The following NBEAL2 variants were observed in gnomAD, a reference collection of about 807,000 sequenced individuals.
NBEAL2 encodes the protein neurobeachin like 2.
Under a neutral mutation model 299.8 loss-of-function variants are expected in NBEAL2, and 160 were observed. That is an observed-to-expected ratio of 0.53 (90% CI 0.47 to 0.61). NBEAL2 has a LOEUF of 0.61. NBEAL2 is among the 20% of genes least tolerant of loss of function. The probability of loss-of-function intolerance (pLI) is 0.00; values close to 1 mark genes in which losing one functional copy is unlikely to be tolerated. For synonymous variants in NBEAL2, 1,493 were observed against 1,542.3 expected (o/e 0.97, Z 0.75); for missense variants, 3,112 against 3,649.0 (o/e 0.85, Z 3.79).
chr3:47,009,026 G>A lies in NBEAL2; in HGVS notation c.8065G>A (p.Ala2689Thr), dbSNP rs767213126. The change falls in exon 53 of 54, where the codon GCC (alanine) becomes ACC (threonine). Residue 2689 changes from alanine (A) to threonine (T), a missense_variant. This residue lies in a region of NBEAL2 where 348 missense variants were observed against 381.4 expected (regional missense o/e 0.91). Transcript: ENST00000450053. Reference sequence around the variant, plus strand: ...CGCGCCTCCCTTGCCCATGAAGGTGGCCATCCGCAGCGTGGCCGTGACCAA... The same window carrying A: ...CGCGCCTCCCTTGCCCATGAAGGTGACCATCCGCAGCGTGGCCGTGACCAA... ...PAAPPLPMKV[A>T]IRSVAVTKER... 3 of 1,600,658 alleles carry A rather than the reference G, an allele frequency of 1.9e-6. No individual in the cohort carries two copies. The highest frequency in any genetic ancestry group is 1.7e-4 in the Middle Eastern group (1 of 6,056).
Position 47,006,197 on chromosome 3 carries a change from C to T in NBEAL2, c.6952C>T (p.Arg2318Trp), listed in dbSNP as rs1328163964. 1.1e-5 allele frequency: 18 copies of T among 1,613,744 alleles called. No individual in the cohort carries two copies. Among genetic ancestry groups the T allele is most frequent in the Non-Finnish European group, 1.4e-5 (16 of 1,179,880 alleles). ...AGACCTGGACCATGTGACAGATGAG[C>T]GGGAACGGAAGGCTCTGGAGGGCAT... ...AVDLDHVTDE[R>W]ERKALEGIIS... is the part of the protein sequence containing the mutation. The change falls in exon 44 of 54, where the codon CGG becomes TGG. Residue 2318 changes from arginine to tryptophan, a missense_variant. Physicochemically the swap from Arg to Trp is moderately radical, Grantham distance 101. Transcript: ENST00000450053.
At position 46,997,563 on chromosome 3, in the gene NBEAL2, G is replaced by T; in HGVS notation, c.2827G>T (p.Glu943Ter). 6.3e-7 allele frequency: 1 copy of T among 1,592,214 alleles called. No homozygotes were observed. The highest frequency in any genetic ancestry group is 8.6e-7 in the Non-Finnish European group (1 of 1,164,172). ...GTCCCCTTCCTGATGGCTGGCAGAG[G>T]AACGGATGGAGAGGAACGCAGTGGC... ...LVLPLGKSSE[E>*]RMERNAVAAF... Residue 943 changes from glutamate (E) to a stop codon, truncating the protein, a stop_gained and splice_region_variant, in exon 20 of 54, where the codon GAA becomes TAA. Transcript: ENST00000450053. LOFTEE classifies it high-confidence loss of function.
chr3:46,989,710 G>A lies in NBEAL2; in HGVS notation c.556+117G>A, dbSNP rs536726505. The A allele has an allele frequency of 2.8e-4, 256 of 916,928 alleles. No individual in the cohort carries two copies. The highest frequency in any genetic ancestry group is 4.1e-4 in the Non-Finnish European group (239 of 576,548). 56.8% of individuals were successfully genotyped at this position (916,928 alleles called of 1,614,324 possible). A position where few individuals can be genotyped will look rare whatever the true frequency, so the allele number is the denominator to read the frequency against. ...TGGTGGTGGCTGCATGCAGGACTGG[G>A]AGAACCAAAGACCAAGCAAGAGTTT... On this transcript the variant is annotated intron_variant, in intron 6 of 53. Transcript: ENST00000450053. This position sits in a 1 kb window ranked among gnomAD's most constrained non-coding sequence, Gnocchi z 5.5.
At position 46,998,865 on chromosome 3, in the gene NBEAL2, G is replaced by A; in HGVS notation, c.3370G>A (p.Gly1124Ser). The A allele has an allele frequency of 6.3e-7, 1 of 1,590,252 alleles. No individual in the cohort carries two copies. Among genetic ancestry groups the A allele is most frequent in the Non-Finnish European group, 8.6e-7 (1 of 1,168,734 alleles). Reference sequence around the variant, plus strand: ...CATGCTGAGCTTTTTGGCGGCCACAGGCGATGACGGTCAGGTAGGCTGGAG... The same window carrying A: ...CATGCTGAGCTTTTTGGCGGCCACAAGCGATGACGGTCAGGTAGGCTGGAG... ...QTMLSFLAATGDDGQAVGALD... is the reference protein window; with the variant it reads ...QTMLSFLAATSDDGQAVGALD... Residue 1124 changes from glycine (G) to serine (S), a missense_variant, in exon 23 of 54, where the codon GGC becomes AGC. This residue lies in a region of NBEAL2 where 2,243 missense variants were observed against 2,538.1 expected (regional missense o/e 0.88). Coordinates refer to ENST00000450053, the MANE Select transcript of NBEAL2 (RefSeq NM_015175.3).
chr3:47,009,505 C>A lies in NBEAL2; in HGVS notation c.*185C>A. 1 of 640,304 alleles carries A rather than the reference C, an allele frequency of 1.6e-6. No homozygotes were observed. Among genetic ancestry groups the A allele is most frequent in the Non-Finnish European group, 2.7e-6 (1 of 376,370 alleles). The allele number at this position is 640,304 out of a possible 1,614,324, so 39.7% of individuals were successfully genotyped here. On this transcript the variant is annotated 3_prime_UTR_variant, in exon 54 of 54. Transcript: ENST00000450053. The stretch of plus-strand genomic sequence containing the variant: ...GGGATTGGCGGGCGGAAGTCCCGCC[C>A]CTCGCCGGCTGAGGGGCCGCCCTGA...
chr3:46,996,782 G>C lies in NBEAL2; in HGVS notation c.2505G>C (p.Glu835Asp), dbSNP rs202204936. ...ATGAGACGGCACCCTTCAAGCCTGA[G>C]GGGGAGCTGCATGAGCTCAGCACCA... ...GPNETAPFKPEGELHELSTRL... is the reference protein window; with the variant it reads ...GPNETAPFKPDGELHELSTRL... Residue 835 changes from glutamate to aspartate, a missense_variant, in exon 17 of 54, where the codon GAG becomes GAC. Coordinates refer to ENST00000450053, the MANE Select transcript of NBEAL2 (RefSeq NM_015175.3). The C allele has an allele frequency of 7.4e-6, 12 of 1,612,628 alleles. No individual in the cohort carries two copies. Among genetic ancestry groups the C allele is most frequent in the South Asian group, 1.1e-5 (1 of 91,080 alleles).
intron 1 of NBEAL2, among the ~76,000 whole-genome samples, chr3:46,980,456 C>T (rs2035247113): frequency 6.6e-6 from 1 of 152,072 alleles, no homozygotes; most frequent in East Asian, 1.9e-4. Flanking sequence ...CACACCCCAG[C>T]GAACAGGCTG....
Position 46,996,550 on chromosome 3 carries a change from G to A in NBEAL2, c.2431G>A (p.Glu811Lys). ...GELGAVAIFH[E>K]ALQATALRTL... Reference sequence around the variant, plus strand: ...GCTGGGGGCTGTGGCCATCTTTCACGAAGCCCTGCAGGCGACGGCTCTGAG... The same window carrying A: ...GCTGGGGGCTGTGGCCATCTTTCACAAAGCCCTGCAGGCGACGGCTCTGAG... Residue 811 changes from glutamate (E) to lysine (K), a missense_variant, in exon 16 of 54, where the codon GAA becomes AAA. This residue lies in a region of NBEAL2 where 2,243 missense variants were observed against 2,538.1 expected (regional missense o/e 0.88). Coordinates refer to ENST00000450053, the MANE Select transcript of NBEAL2 (RefSeq NM_015175.3). 3 of 1,544,040 alleles carry A rather than the reference G, an allele frequency of 1.9e-6. No homozygotes were observed. The highest frequency in any genetic ancestry group is 2.6e-6 in the Non-Finnish European group (3 of 1,142,592).
rs1304576074 is a variant in NBEAL2, at chr3:47,004,103, C to G, written c.5908C>G (p.Leu1970Val). The G allele has an allele frequency of 2.5e-6, 4 of 1,612,940 alleles. No homozygotes were observed. Among genetic ancestry groups the G allele is most frequent in the Non-Finnish European group, 3.4e-6 (4 of 1,179,332 alleles). Residue 1970 changes from leucine (L) to valine (V), a missense_variant, in exon 37 of 54, where the codon CTG becomes GTG. Leu to Val is a conservative substitution (Grantham distance 32). Transcript: ENST00000450053. This position sits in a 1 kb window ranked among gnomAD's most constrained non-coding sequence, Gnocchi z 5.0. The part of the protein sequence containing the change: ...EGIGYDFRRP[L>V]AQLREVHLRR... ...CATCGGCTATGATTTCCGGCGCCCA[C>G]TGGCCCAGCTGCGTGAGGTCCACCT...
chr3:47,001,013 G>A lies in NBEAL2; in HGVS notation c.4318G>A (p.Glu1440Lys). The A allele has an allele frequency of 5.0e-6, 8 of 1,609,388 alleles. No homozygotes were observed. The highest frequency in any genetic ancestry group is 5.1e-6 in the Non-Finnish European group (6 of 1,178,066). Residue 1440 changes from glutamate (E) to lysine (K), a missense_variant, in exon 28 of 54, where the codon GAA becomes AAA. By Grantham distance (56) the Glu-to-Lys change is moderately conservative. Coordinates refer to ENST00000450053, the MANE Select transcript of NBEAL2 (RefSeq NM_015175.3). This position sits in a 1 kb window ranked among gnomAD's most constrained non-coding sequence, Gnocchi z 6.1. ...CCTGTGCCCACAGCAAACCTCTGAG[G>A]AAGAGTTGTGCAATCTGCTCACCAA... ...NTSNPQQTSE[E>K]ELCNLLTNVL...
chr3:47,001,797 C>G lies in NBEAL2; in HGVS notation c.4753C>G (p.Leu1585Val), dbSNP rs184002739. The change falls in exon 30 of 54, where the codon CTT becomes GTT. Residue 1585 changes from leucine to valine, a missense_variant. This residue lies in a region of NBEAL2 where 2,243 missense variants were observed against 2,538.1 expected (regional missense o/e 0.88). Coordinates refer to ENST00000450053, the MANE Select transcript of NBEAL2 (RefSeq NM_015175.3). This position sits in a 1 kb window ranked among gnomAD's most constrained non-coding sequence, Gnocchi z 6.1. ...GGCGCAGATTGGCCTACGGCTTGTA[C>G]TTGGCTACATCCTGCTGGAAGACCC... The part of the protein sequence containing the change: ...EMAQIGLRLV[L>V]GYILLEDPQL... 3 of 1,613,834 alleles carry G rather than the reference C, an allele frequency of 1.9e-6. No homozygotes were observed. The highest frequency in any genetic ancestry group is 1.3e-5 in the African/African-American group (1 of 75,040).
Position 47,002,651 on chromosome 3 carries a change from G to A in NBEAL2, c.5308G>A (p.Val1770Met). The change falls in exon 33 of 54, where the codon GTG (valine) becomes ATG (methionine). Residue 1770 changes from valine to methionine, a missense_variant. By Grantham distance (21) the Val-to-Met change is conservative (BLOSUM62 1). This residue lies in a region of NBEAL2 where 2,243 missense variants were observed against 2,538.1 expected (regional missense o/e 0.88). Transcript: ENST00000450053. The part of the protein sequence containing the change: ...AQSRRAFQEL[V>M]LEPAQRRARL... Reference sequence around the variant, plus strand: ...CCTATTACCCCCACCCCAGGAGCTGGTGCTGGAACCTGCGCAGAGGCGGGC... The same window carrying A: ...CCTATTACCCCCACCCCAGGAGCTGATGCTGGAACCTGCGCAGAGGCGGGC... 1.2e-6 allele frequency: 2 copies of A among 1,609,718 alleles called. No homozygotes were observed. The highest frequency in any genetic ancestry group is 8.5e-7 in the Non-Finnish European group (1 of 1,178,994).
chr3:46,997,400 C>A lies in NBEAL2; in HGVS notation c.2791C>A (p.Gln931Lys). 1 of 1,611,154 alleles carries A rather than the reference C, an allele frequency of 6.2e-7. No individual in the cohort carries two copies. Among genetic ancestry groups the A allele is most frequent in the Non-Finnish European group, 8.5e-7 (1 of 1,179,276 alleles). The change falls in exon 19 of 54, where the codon CAG (glutamine) becomes AAG (lysine). Residue 931 changes from glutamine to lysine, a missense_variant. Gln to Lys is a moderately conservative substitution (Grantham distance 53). This residue lies in a region of NBEAL2 where 2,243 missense variants were observed against 2,538.1 expected (regional missense o/e 0.88). Coordinates refer to ENST00000450053, the MANE Select transcript of NBEAL2 (RefSeq NM_015175.3). The part of the protein sequence containing the change: ...GPELTSGHNT[Q>K]GLVLPLGKSS... ...TGAACTGACCTCTGGTCACAACACC[C>A]AGGGCCTGGTTCTCCCATTGGGTAA...
chr3:46,987,194 GC>G (rs2035727550), intron 1 of NBEAL2, among the ~76,000 whole-genome samples: 1 of 152,242 alleles, frequency 6.6e-6, no homozygotes, highest in Non-Finnish European at 1.5e-5. Context: ...TTCAGGCCTT[GC>G]CCGTGGTCTG....
chr3:47,002,817 G>T lies in NBEAL2; in HGVS notation c.5459+15G>T. The T allele has an allele frequency of 6.4e-7, 1 of 1,553,072 alleles. No homozygotes were observed. Among genetic ancestry groups the T allele is most frequent in the South Asian group, 1.2e-5 (1 of 86,104 alleles). On this transcript the variant is annotated intron_variant, in intron 33 of 53. Coordinates refer to ENST00000450053, the MANE Select transcript of NBEAL2 (RefSeq NM_015175.3). ...TGGGCGCTGAGGTGGGCCGGGCTTG[G>T]GGCAGGGTCGCTGTGGAGGGGTGGG...
chr3:47,005,580 G>T lies in NBEAL2; in HGVS notation c.6652G>T (p.Glu2218Ter). 2 of 1,613,338 alleles carry T rather than the reference G, an allele frequency of 1.2e-6. No homozygotes were observed. The highest frequency in any genetic ancestry group is 1.7e-6 in the Non-Finnish European group (2 of 1,179,646). Residue 2218 changes from glutamate (E) to a stop codon, truncating the protein, a stop_gained, in exon 41 of 54, where the codon GAA becomes TAA. Transcript: ENST00000450053. LOFTEE classifies it high-confidence loss of function. ...SPADVKELIP[E>*]FFYFPDFLEN... is the part of the protein sequence containing the mutation. ...TGCCGATGTGAAGGAGCTCATCCCG[G>T]AATTCTTCTACTTTCCTGACTTCCT...
In NBEAL2 at chr3:47,005,474, G is replaced by A. The variant is rs751702319; in HGVS notation, c.6561-15G>A. On this transcript the variant is annotated splice_polypyrimidine_tract_variant and intron_variant, in intron 40 of 53. Transcript: ENST00000450053. The stretch of plus-strand genomic sequence containing the variant: ...ATTCTCCCCACCTCACCTTGGCCCC[G>A]TGCCCCTCCCCCAGCTTTGACTGCT... 3.5e-5 allele frequency: 56 copies of A among 1,608,964 alleles called. No homozygotes were observed. Among genetic ancestry groups the A allele is most frequent in the Admixed American group, 1.7e-4 (10 of 59,668 alleles).
rs2036103342 is a variant in NBEAL2, at chr3:46,991,699, G to A, written c.925+11G>A. 3 of 1,590,052 alleles carry A rather than the reference G, an allele frequency of 1.9e-6. No individual in the cohort carries two copies. In the East Asian group the frequency reaches 6.8e-5, roughly 36 times the overall value. On this transcript the variant is annotated intron_variant, in intron 8 of 53. Transcript: ENST00000450053. This position sits in a 1 kb window ranked among gnomAD's most constrained non-coding sequence, Gnocchi z 6.2. ...GGGTCAGCATGCTCGGTGGGTATGG[G>A]CTCCCAGGCTCTTGGGGAAGGGGCA...
rs1164337113 is a variant in NBEAL2 at position 46,999,532 on chromosome 3, A to G, written c.3703+58A>G. Reference sequence around the variant, plus strand: ...GACATGTCAGAAAAACAGGGCAGGCAGGCCGGAAGAAGGAAGATAGTGGCA... The same window carrying G: ...GACATGTCAGAAAAACAGGGCAGGCGGGCCGGAAGAAGGAAGATAGTGGCA... On this transcript the variant is annotated intron_variant, in intron 25 of 53. Coordinates refer to ENST00000450053, the MANE Select transcript of NBEAL2 (RefSeq NM_015175.3). The G allele has an allele frequency of 3.2e-6, 5 of 1,586,234 alleles. No homozygotes were observed. The African/African-American group carries it at 5.4e-5, about 17-fold the overall frequency.
Sources: allele counts gnomAD v4.1 joint callset (sites outside exome capture counted in the v4.1 genomes callset), GRCh38; gene constraint gnomAD v4.1.1; regional missense constraint gnomAD v4.1.1; non-coding constraint Gnocchi (gnomAD v3.1); transcripts MANE v1.5; gene names NCBI Gene and HGNC (gene_info 2026-07-23, HGNC 2026-07-21).